CHST9: variants seen among roughly 807,000 people sequenced by gnomAD.
CHST9 encodes GalNAc-4-sulfotransferase 2.
Under a neutral mutation model 44.4 loss-of-function variants are expected in CHST9, and 41 were observed. The ratio of observed to expected loss-of-function variants is 0.92; its 90% CI spans 0.72 to 1.20. CHST9 has a LOEUF of 1.20. Among genes scored for constraint, CHST9 ranks in the 50% most tolerant of loss-of-function variants. The pLI, the probability that CHST9 is intolerant of heterozygous loss-of-function variation, is 0.00. For synonymous variants in CHST9, 171 were observed against 178.4 expected, an observed-to-expected ratio of 0.96 and a Z score of 0.33; for missense variants, 504 against 516.5, an observed-to-expected ratio of 0.98 and a Z score of 0.23.
chr18:26,914,620 C>G lies in CHST9; in HGVS notation c.*1639G>C, dbSNP rs2145039319. The G allele has an allele frequency of 3.5e-6, 1 of 285,000 alleles. No individual in the cohort carries two copies. Among genetic ancestry groups the G allele is most frequent in the East Asian group, 5.7e-5 (1 of 17,474 alleles). The allele number at this position is 285,000 out of a possible 1,614,324, so 17.7% of individuals were successfully genotyped here. On this transcript the variant is annotated 3_prime_UTR_variant, in exon 6 of 6. Coordinates refer to ENST00000618847, the MANE Select transcript of CHST9 (RefSeq NM_031422.6). ...TTAGAAGGTTTAATACTTTTGATCTCTCAGCCCATTGCAGTTTACTTACTC... is the reference window on the plus strand; with the variant it reads ...TTAGAAGGTTTAATACTTTTGATCTGTCAGCCCATTGCAGTTTACTTACTC...
At chr18:27,019,685 A>C (rs1329203033) in intron 4 of CHST9, among the ~76,000 whole-genome samples, 1 of 112,448 alleles carries the variant, frequency 8.9e-6, no homozygotes, top group Non-Finnish European at 1.9e-5. Flanking sequence ...GTTTCACTAC[A>C]TGGCAAAAAA....
intron 3 of CHST9, among the ~76,000 whole-genome samples, chr18:27,037,833 TAAG>T (rs2057404929): frequency 3.5e-5 from 5 of 141,960 alleles, no homozygotes; most frequent in Non-Finnish European, 6.3e-5. Flanking sequence ...GTCATTTAGT[TAAG>T]TTTTTTTTTT....
Position 26,917,008 on chromosome 18 carries a change from G to C in CHST9, c.583C>G (p.His195Asp), listed in dbSNP as rs1265978909. ...FCKKYGGVSH[H>D]QSHLFHTVSR... ...ACTGTATGAAAAAGATGTGACTGAT[G>C]ATGACTCACCCCACCGTATTTCTTG... The change falls in exon 6 of 6, where the codon CAT becomes GAT. Residue 195 changes from histidine (H) to aspartate (D), a missense_variant. His to Asp is a moderately conservative substitution (Grantham distance 81). Transcript: ENST00000618847. 3 of 1,613,748 alleles carry C rather than the reference G, an allele frequency of 1.9e-6. No individual in the cohort carries two copies. The highest frequency in any genetic ancestry group is 2.2e-5 in the East Asian group (1 of 44,882).
chr18:26,974,819 G>A (rs975759277), intron 4 of CHST9, among the ~76,000 whole-genome samples: 9 of 151,998 alleles, frequency 5.9e-5, no homozygotes, highest in East Asian at 1.9e-4. Flanking sequence ...GATTACAGGC[G>A]TGTGCCACCA....
chr18:27,031,667 TGC>T (rs1187722269), intron 3 of CHST9, among the ~76,000 whole-genome samples: 1 of 152,246 alleles, frequency 6.6e-6, no homozygotes, highest in Non-Finnish European at 1.5e-5. Context: ...CCAGTATAAC[TGC>T]ATTAAATACA....
chr18:26,938,669 C>T (rs1301889688), intron 5 of CHST9, among the ~76,000 whole-genome samples: 1 of 152,176 alleles, frequency 6.6e-6, no homozygotes, highest in East Asian at 1.9e-4. Flanking sequence ...ATCAGGTACT[C>T]AAGTCTTGAA....
chr18:27,006,922 G>A (rs1317583933), intron 4 of CHST9, among the ~76,000 whole-genome samples: 2 of 152,130 alleles, frequency 1.3e-5, no homozygotes, highest in Admixed American at 6.6e-5. Context: ...GCAGGAGAGA[G>A]CACATATTAT....
intron 1 of CHST9, among the ~76,000 whole-genome samples, chr18:27,170,220 C>T (rs2058824156): frequency 6.6e-6 from 1 of 152,150 alleles, no homozygotes; most frequent in Non-Finnish European, 1.5e-5. Context: ...ATCTTCATGG[C>T]CTGGTCCCTT....
intron 3 of CHST9, among the ~76,000 whole-genome samples, chr18:27,043,354 T>C (rs1418701428): frequency 6.6e-6 from 1 of 152,122 alleles, no homozygotes; most frequent in African/African-American, 2.4e-5. Flanking sequence ...TTTGACATTC[T>C]TGACAAAATT....
chr18:27,103,823 C>T (rs531252313), intron 2 of CHST9, among the ~76,000 whole-genome samples: 1 of 152,092 alleles, frequency 6.6e-6, no homozygotes, highest in Non-Finnish European at 1.5e-5. Flanking sequence ...GGAATTAATG[C>T]TTTTCTTGCT....
At chr18:27,123,180 A>C (rs879579237) in intron 2 of CHST9, among the ~76,000 whole-genome samples, 2 of 152,224 alleles carry the variant, frequency 1.3e-5, no homozygotes, top group Non-Finnish European at 2.9e-5. Flanking sequence ...TGATGCATGC[A>C]GAAACAGGGA....
chr18:27,004,209 C>G (rs1402142308), intron 4 of CHST9, among the ~76,000 whole-genome samples: 1 of 151,636 alleles, frequency 6.6e-6, no homozygotes, highest in Non-Finnish European at 1.5e-5. Flanking sequence ...CAAATTACTG[C>G]GAGCAACAGA....
intron 2 of CHST9, among the ~76,000 whole-genome samples, chr18:27,059,944 A>C (rs1462278591): frequency 6.6e-6 from 1 of 152,236 alleles, no homozygotes; most frequent in East Asian, 1.9e-4. Flanking sequence ...GATATTGATT[A>C]ATTGCTTTCA....
At chr18:27,007,198 T>C (rs1310667836) in intron 4 of CHST9, among the ~76,000 whole-genome samples, 1 of 152,186 alleles carries the variant, frequency 6.6e-6, no homozygotes, top group Non-Finnish European at 1.5e-5. Flanking sequence ...ATTACAACTA[T>C]TTAATAAAAT....
At chr18:27,176,564 T>C (rs981108406) in intron 1 of CHST9, among the ~76,000 whole-genome samples, 1 of 152,064 alleles carries the variant, frequency 6.6e-6, no homozygotes, top group African/African-American at 2.4e-5. Flanking sequence ...GAGTTTGATT[T>C]TGACATGTTT....
intron 2 of CHST9, among the ~76,000 whole-genome samples, chr18:27,089,651 C>A (rs1043358454): frequency 6.6e-6 from 1 of 152,052 alleles, no homozygotes; most frequent in African/African-American, 2.4e-5. Context: ...GGTATATACC[C>A]AGTAATGGGA....
At chr18:27,053,321 G>T (rs1355310480) in intron 2 of CHST9, among the ~76,000 whole-genome samples, 1 of 100,796 alleles carries the variant, frequency 9.9e-6, no homozygotes, top group African/African-American at 3.8e-5. Flanking sequence ...AGAAGGAGAA[G>T]GAGAAGATTT....
intron 2 of CHST9, among the ~76,000 whole-genome samples, chr18:27,057,223 T>C (rs1379062911): frequency 6.6e-6 from 1 of 152,244 alleles, no homozygotes; most frequent in East Asian, 1.9e-4. Context: ...ATGCTATCTT[T>C]CAATAATTCC....
intron 2 of CHST9, among the ~76,000 whole-genome samples, chr18:27,065,369 T>C (rs760694760): frequency 1.3e-5 from 2 of 152,162 alleles, no homozygotes; most frequent in Non-Finnish European, 1.5e-5. Context: ...AAGTTTGCTA[T>C]CAAAACAAAA....
Sources: gnomAD v4.1 joint callset for allele counts (sites outside exome capture counted in the v4.1 genomes callset) on GRCh38, gnomAD v4.1.1 for gene constraint, MANE v1.5 for transcripts, NCBI Gene and HGNC (gene_info 2026-07-23, HGNC 2026-07-21) for gene names.